Variants in RBFOX1 observed in about 807,000 individuals in gnomAD.
RBFOX1 encodes RNA binding protein fox-1 homolog 1.
In RBFOX1, 8 loss-of-function variants were observed where a neutral mutation model predicts 57.7. The observed-to-expected ratio is 0.14, with a 90% CI of 0.08 to 0.25. The LOEUF is 0.25. Among genes scored for constraint, RBFOX1 ranks in the 10% least tolerant of loss-of-function variants. RBFOX1 has a pLI of 1.00. For synonymous variants in RBFOX1, 326 were observed against 222.4 expected (o/e 1.47, Z -4.15); for missense variants, 611 against 548.5 (o/e 1.11, Z -1.14).
At chr16:7,110,231 C>A (rs992729813) in intron 4 of RBFOX1, among the ~76,000 whole-genome samples, 3 of 151,234 alleles carry the variant, frequency 2.0e-5, no homozygotes, top group Admixed American at 1.3e-4. Flanking sequence ...GTGGCACCAC[C>A]CTCGTGTAGT....
intron 1 of RBFOX1, among the ~76,000 whole-genome samples, chr16:6,117,274 G>T (rs2096506733): frequency 6.6e-6 from 1 of 151,464 alleles, no homozygotes; most frequent in African/African-American, 2.4e-5. Context: ...TTGGAAGTAT[G>T]CTAAACGTAC....
At chr16:5,681,351 T>G (rs2050329080) in intron 3 of RBFOX1, among the ~76,000 whole-genome samples, 2 of 151,324 alleles carry the variant, frequency 1.3e-5, no homozygotes, top group Admixed American at 1.3e-4. Context: ...CCCAAAGTGT[T>G]GGGATTACAG....
chr16:6,953,707 CACATACAT>C (rs908634197), intron 3 of RBFOX1, among the ~76,000 whole-genome samples: 3 of 152,152 alleles, frequency 2.0e-5, no homozygotes, highest in African/African-American at 7.2e-5. Context: ...ACGATATTTA[CACATACAT>C]ACATATAAAT....
chr16:5,470,267 C>T (rs369893318), intron 2 of RBFOX1, among the ~76,000 whole-genome samples: 2 of 152,150 alleles, frequency 1.3e-5, no homozygotes, highest in African/African-American at 4.8e-5. Flanking sequence ...TGGGCTTGGG[C>T]AAAGAAGGGG....
At chr16:7,416,090 C>T (rs1221529935) in intron 4 of RBFOX1, among the ~76,000 whole-genome samples, 1 of 150,848 alleles carries the variant, frequency 6.6e-6, no homozygotes, top group Non-Finnish European at 1.5e-5. Context: ...AAACCTCCAG[C>T]CCCCCAATCT....
At chr16:7,692,171 A>C (rs1022355954) in intron 14 of RBFOX1, among the ~76,000 whole-genome samples, 3 of 152,188 alleles carry the variant, frequency 2.0e-5, no homozygotes, top group African/African-American at 7.2e-5. Context: ...TGTCTTAAGG[A>C]AAGTGATAAA....
intron 4 of RBFOX1, among the ~76,000 whole-genome samples, chr16:5,874,726 C>A (rs2057561521): frequency 6.6e-6 from 1 of 152,130 alleles, no homozygotes; most frequent in African/African-American, 2.4e-5. Flanking sequence ...AGGAAAATCA[C>A]TTGAACCAGG....
At chr16:5,881,554 C>A (rs1048897902) in intron 4 of RBFOX1, among the ~76,000 whole-genome samples, 1 of 152,092 alleles carries the variant, frequency 6.6e-6, no homozygotes, top group African/African-American at 2.4e-5. Context: ...GTGGCACATG[C>A]TTATAATCCC....
chr16:5,622,625 C>T (rs2048233587), intron 3 of RBFOX1, among the ~76,000 whole-genome samples: 1 of 152,206 alleles, frequency 6.6e-6, no homozygotes, highest in Admixed American at 6.5e-5. Context: ...CAAATCCGGC[C>T]CGATGCCTGT....
At chr16:6,008,602 C>A (rs963099918) in intron 4 of RBFOX1, among the ~76,000 whole-genome samples, 2 of 152,102 alleles carry the variant, frequency 1.3e-5, no homozygotes, top group Non-Finnish European at 2.9e-5. Flanking sequence ...CCCAGAGCTT[C>A]AGCATGTGTA....
chr16:5,608,514 T>C (rs2047667048), intron 3 of RBFOX1, among the ~76,000 whole-genome samples: 1 of 152,274 alleles, frequency 6.6e-6, no homozygotes. Context: ...TTGACTTCTC[T>C]GTGCCTGTAA....
chr16:7,574,382 T>C (rs751119983), intron 5 of RBFOX1, among the ~76,000 whole-genome samples: 8 of 152,172 alleles, frequency 5.3e-5, no homozygotes, highest in Non-Finnish European at 1.0e-4. Context: ...ACTCACACGA[T>C]CACAAGGTGA....
chr16:5,679,848 A>G (rs2050275796), intron 3 of RBFOX1, among the ~76,000 whole-genome samples: 1 of 152,172 alleles, frequency 6.6e-6, no homozygotes, highest in African/African-American at 2.4e-5. Context: ...AGGGAGTTGT[A>G]GTGAGGCTTA....
At chr16:6,652,885 C>G (rs145810917) in intron 2 of RBFOX1, among the ~76,000 whole-genome samples, 29 of 152,150 alleles carry the variant, frequency 1.9e-4, no homozygotes, top group African/African-American at 7.0e-4. Context: ...GTGCACCTAC[C>G]ATGGTAAAAT....
At chr16:6,334,782 C>T (rs149718919) in intron 2 of RBFOX1, among the ~76,000 whole-genome samples, 143 of 152,254 alleles carry the variant, frequency 9.4e-4, no homozygotes, top group African/African-American at 3.2e-3. Flanking sequence ...GCAATGTCTT[C>T]CATGGGTACA....
At chr16:5,736,146 C>T (rs964109160) in intron 3 of RBFOX1, among the ~76,000 whole-genome samples, 15 of 152,034 alleles carry the variant, frequency 9.9e-5, no homozygotes, top group South Asian at 2.1e-4. Flanking sequence ...TACACGTGGA[C>T]CCGTGGAGCC....
At chr16:5,794,007 C>T (rs948001354) in intron 3 of RBFOX1, among the ~76,000 whole-genome samples, 4 of 152,190 alleles carry the variant, frequency 2.6e-5, no homozygotes, top group African/African-American at 9.7e-5. Context: ...AACCTCTTAA[C>T]TGATCTGAAC....
At chr16:7,507,492 C>G (rs532991828) in intron 4 of RBFOX1, among the ~76,000 whole-genome samples, 4 of 152,006 alleles carry the variant, frequency 2.6e-5, no homozygotes, top group African/African-American at 7.2e-5. Context: ...ATCCCTGGAT[C>G]CCACCCTCAG....
intron 2 of RBFOX1, among the ~76,000 whole-genome samples, chr16:5,576,962 A>C (rs890711798): frequency 6.6e-6 from 1 of 152,212 alleles, no homozygotes; most frequent in Non-Finnish European, 1.5e-5. Context: ...TAAGCCGTCA[A>C]TATCCTTTGG....
Sources: gnomAD v4.1 joint callset for allele counts (sites outside exome capture counted in the v4.1 genomes callset) on GRCh38, gnomAD v4.1.1 for gene constraint, MANE v1.5 for transcripts, NCBI Gene and HGNC (gene_info 2026-07-23, HGNC 2026-07-21) for gene names.